The following CTNND2 variants were observed in gnomAD, a reference collection of about 807,000 sequenced individuals.
CTNND2 encodes catenin delta 2, also known as catenin delta-2.
CTNND2 carries 22 observed loss-of-function variants against 144.4 expected under a neutral mutation model. The observed-to-expected ratio is 0.15, with a 90% CI of 0.11 to 0.22. The LOEUF is 0.22. CTNND2 is among the 10% of genes least tolerant of loss of function. The pLI is 1.00. For synonymous variants in CTNND2, 751 were observed against 695.6 expected (o/e 1.08, Z -1.25); for missense variants, 1,353 against 1,618.8 (o/e 0.84, Z 2.82).
intron 2 of CTNND2, among the ~76,000 whole-genome samples, chr5:11,585,796 G>C (rs1353124782): frequency 6.6e-6 from 1 of 152,172 alleles, no homozygotes; most frequent in Non-Finnish European, 1.5e-5. Context: ...TTACAGAAAA[G>C]ATGGGGAAGA....
At chr5:11,696,384 C>T (rs1219107155) in intron 2 of CTNND2, among the ~76,000 whole-genome samples, 2 of 152,176 alleles carry the variant, frequency 1.3e-5, no homozygotes, top group Admixed American at 6.5e-5. Flanking sequence ...TGGAATCAGC[C>T]TTGGGCTATA....
At chr5:11,599,463 T>C (rs16901790) in intron 2 of CTNND2, among the ~76,000 whole-genome samples, 1,745 of 152,286 alleles carry the variant, frequency 0.011, 28 homozygotes, top group African/African-American at 0.041. Context: ...ATGACCATTT[T>C]TGGAGTTTTG....
intron 10 of CTNND2, among the ~76,000 whole-genome samples, chr5:11,217,701 G>A (rs1387107183): frequency 6.6e-6 from 1 of 152,108 alleles, no homozygotes; most frequent in Non-Finnish European, 1.5e-5. Flanking sequence ...TGTCTCCTAG[G>A]GATGCAAGCA....
chr5:11,690,577 C>CA (rs1373800712), intron 2 of CTNND2, among the ~76,000 whole-genome samples: 8 of 149,914 alleles, frequency 5.3e-5, no homozygotes, highest in East Asian at 2.0e-4. Flanking sequence ...ACTAAAAATA[C>CA]AAAAAAAAAT....
chr5:11,578,874 C>T (rs924108028), intron 2 of CTNND2, among the ~76,000 whole-genome samples: 5 of 152,098 alleles, frequency 3.3e-5, no homozygotes, highest in Non-Finnish European at 4.4e-5. Flanking sequence ...TGCATGTCAA[C>T]GCTTTTGTTT....
At chr5:11,046,419 C>T (rs115630394) in intron 16 of CTNND2, among the ~76,000 whole-genome samples, 2,139 of 152,312 alleles carry the variant, frequency 0.014, 53 homozygotes, top group African/African-American at 0.048. Flanking sequence ...CCAAGGCAAT[C>T]GACCCTGTGA....
chr5:11,040,066 A>G (rs1370011087), intron 16 of CTNND2, among the ~76,000 whole-genome samples: 1 of 151,886 alleles, frequency 6.6e-6, no homozygotes, highest in Non-Finnish European at 1.5e-5. Context: ...TGTCTCAAAA[A>G]AGCAAACAAA....
intron 1 of CTNND2, among the ~76,000 whole-genome samples, chr5:11,751,450 A>G (rs891303461): frequency 6.6e-6 from 1 of 151,696 alleles, no homozygotes; most frequent in Non-Finnish European, 1.5e-5. Flanking sequence ...CATGTACTCA[A>G]TATTTACCTT....
At chr5:11,743,405 C>T (rs530478872) in intron 1 of CTNND2, among the ~76,000 whole-genome samples, 1 of 152,264 alleles carries the variant, frequency 6.6e-6, no homozygotes, top group African/African-American at 2.4e-5. Context: ...AAGACTTTCG[C>T]TTCCGTCAAC....
At chr5:11,222,153 T>C (rs1739863602) in intron 10 of CTNND2, among the ~76,000 whole-genome samples, 1 of 152,010 alleles carries the variant, frequency 6.6e-6, no homozygotes, top group African/African-American at 2.4e-5. Flanking sequence ...CTACAAACCT[T>C]TTGTGGGTGG....
At chr5:11,129,131 TTA>T (rs58793493) in intron 12 of CTNND2, among the ~76,000 whole-genome samples, 2,062 of 27,602 alleles carry the variant, frequency 0.075, 434 homozygotes, top group African/African-American at 0.26. Context: ...TAATATATAT[TTA>T]TATATATTAT....
chr5:11,636,374 T>C (rs923473782), intron 2 of CTNND2, among the ~76,000 whole-genome samples: 3 of 152,186 alleles, frequency 2.0e-5, no homozygotes, highest in African/African-American at 7.2e-5. Context: ...AGTAAATGCA[T>C]GAAAGAATAC....
intron 8 of CTNND2, among the ~76,000 whole-genome samples, chr5:11,350,627 TAA>T: frequency 6.6e-6 from 1 of 152,232 alleles, no homozygotes; most frequent in Admixed American, 6.5e-5. Context: ...TTTCAAAATA[TAA>T]AACCTCAAGC....
At chr5:11,534,248 G>A (rs1774012618) in intron 3 of CTNND2, among the ~76,000 whole-genome samples, 1 of 152,168 alleles carries the variant, frequency 6.6e-6, no homozygotes, top group Admixed American at 6.5e-5. Context: ...TCAGCTTGTT[G>A]TAGGCACTAA....
intron 3 of CTNND2, among the ~76,000 whole-genome samples, chr5:11,488,975 T>C (rs929693256): frequency 6.6e-6 from 1 of 152,192 alleles, no homozygotes; most frequent in Non-Finnish European, 1.5e-5. Context: ...GTTATTCAGG[T>C]TATTTCCAGT....
chr5:11,026,762 A>C (rs1457391862), intron 16 of CTNND2, among the ~76,000 whole-genome samples: 2 of 152,172 alleles, frequency 1.3e-5, no homozygotes, highest in African/African-American at 2.4e-5. Flanking sequence ...AGGAACAAAC[A>C]AGAACCTGTG....
intron 2 of CTNND2, among the ~76,000 whole-genome samples, chr5:11,730,130 A>T (rs1361718714): frequency 1.3e-5 from 2 of 151,850 alleles, no homozygotes. Flanking sequence ...TGCTATTTTG[A>T]GTTGTGTCTT....
At chr5:11,850,035 A>C (rs1007779057) in intron 1 of CTNND2, among the ~76,000 whole-genome samples, 11 of 152,182 alleles carry the variant, frequency 7.2e-5, no homozygotes, top group African/African-American at 2.4e-4. Flanking sequence ...TATGTAACAA[A>C]CCTGCACGTT....
chr5:11,796,680 T>TA (rs1791421516), intron 1 of CTNND2, among the ~76,000 whole-genome samples: 1 of 152,192 alleles, frequency 6.6e-6, no homozygotes, highest in East Asian at 1.9e-4. Flanking sequence ...ATAATATACT[T>TA]AAAATCATAT....
Sources: allele counts gnomAD v4.1 joint callset (sites outside exome capture counted in the v4.1 genomes callset), GRCh38; gene constraint gnomAD v4.1.1; transcripts MANE v1.5; gene names NCBI Gene and HGNC (gene_info 2026-07-23, HGNC 2026-07-21).